Variants in CRTAC1 observed in about 807,000 individuals in gnomAD.
CRTAC1 encodes acidic secreted protein in cartilage.
In CRTAC1, 37 loss-of-function variants were observed where a neutral mutation model predicts 67.8. The observed-to-expected ratio is 0.55, with a 90% CI of 0.42 to 0.72. The LOEUF (loss-of-function observed/expected upper bound fraction) is 0.72. CRTAC1 is among the 30% of genes least tolerant of loss of function. The pLI is 0.00. For missense variants in CRTAC1, 780 were observed against 931.6 expected (o/e 0.84, Z 2.12); for synonymous variants, 348 against 371.0 (o/e 0.94, Z 0.71).
chr10:98,012,419 C>T (rs1842927128), intron 1 of CRTAC1, among the ~76,000 whole-genome samples: 1 of 152,136 alleles, frequency 6.6e-6, no homozygotes, highest in Non-Finnish European at 1.5e-5. Context: ...TTTAAAGGCT[C>T]TGCTGGAAGG....
At chr10:97,899,331 C>T (rs148114618) in intron 8 of CRTAC1, among the ~76,000 whole-genome samples, 1,620 of 152,338 alleles carry the variant, frequency 0.011, 17 homozygotes, top group Non-Finnish European at 0.016. Context: ...TGGTGACTTG[C>T]TCTGTCCATT....
chr10:98,001,623 T>C lies in CRTAC1; in HGVS notation c.224+9515A>G, dbSNP rs192670084. Among the ~76,000 whole-genome samples, 179 of 152,278 alleles carry C rather than the reference T, an allele frequency of 1.2e-3. 1 individual carries two copies. Among genetic ancestry groups the C allele is most frequent in the Admixed American group, 3.4e-3 (52 of 15,302 alleles). On this transcript the variant is annotated intron_variant, in intron 2 of 14. Coordinates refer to ENST00000370597, the MANE Select transcript of CRTAC1 (RefSeq NM_018058.7). ...GAACTGCATGATGGTTAAAAAGAGA[T>C]GTCAGTAAAATACCAGACCCATGCT... is the stretch of plus-strand genomic sequence containing the variant.
chr10:98,021,151 C>T (rs513564), intron 1 of CRTAC1, among the ~76,000 whole-genome samples: 29,958 of 152,070 alleles, frequency 0.2, 3,183 homozygotes, highest in Middle Eastern at 0.26. Flanking sequence ...CATTCTAATG[C>T]TTCTGTTTCT....
chr10:97,996,979 G>C (rs1025003701), intron 2 of CRTAC1, among the ~76,000 whole-genome samples: 1 of 148,892 alleles, frequency 6.7e-6, no homozygotes, highest in African/African-American at 2.5e-5. Flanking sequence ...GTAAACTATC[G>C]CAAGGACAAA....
At chr10:98,026,233 G>C (rs1488042932) in intron 1 of CRTAC1, among the ~76,000 whole-genome samples, 1 of 152,238 alleles carries the variant, frequency 6.6e-6, no homozygotes, top group East Asian at 1.9e-4. Context: ...GAGGCTTGCA[G>C]AGGTTAAGTG....
chr10:98,025,674 C>G (rs1843216863), intron 1 of CRTAC1, among the ~76,000 whole-genome samples: 1 of 152,202 alleles, frequency 6.6e-6, no homozygotes, highest in African/African-American at 2.4e-5. Flanking sequence ...CCTAAGCAAC[C>G]AGCCAGGCTC....
At chr10:98,026,193 C>T (rs530139535) in intron 1 of CRTAC1, among the ~76,000 whole-genome samples, 1 of 152,318 alleles carries the variant, frequency 6.6e-6, no homozygotes, top group South Asian at 2.1e-4. Context: ...ACATGGTTGT[C>T]AGCCTCATCA....
intron 14 of CRTAC1, among the ~76,000 whole-genome samples, chr10:97,874,519 G>A (rs771310593): frequency 2.0e-5 from 3 of 152,160 alleles, no homozygotes; most frequent in African/African-American, 4.8e-5. Context: ...CTCCAGAGGT[G>A]GCCCCGTCCT....
intron 4 of CRTAC1, 79 bp from the exon 5 acceptor site, chr10:97,917,735 G>T: frequency 8.4e-7 from 1 of 1,192,640 alleles, no homozygotes. Context: ...ACCCCAGGTA[G>T]GACCATAGCT....
At chr10:97,983,789 C>A (rs1015959662) in intron 2 of CRTAC1, among the ~76,000 whole-genome samples, 4 of 152,136 alleles carry the variant, frequency 2.6e-5, no homozygotes, top group African/African-American at 9.7e-5. Flanking sequence ...TATCAAGATG[C>A]GGGTGAAGTA....
chr10:97,869,844 C>T (rs2050071919), intron 14 of CRTAC1: 1 of 152,280 alleles, frequency 6.6e-6, no homozygotes, highest in Non-Finnish European at 1.5e-5. Context: ...AACTCCACAT[C>T]CCTCTCCACA....
intron 5 of CRTAC1, among the ~76,000 whole-genome samples, chr10:97,915,202 T>C (rs1448473482): frequency 6.6e-6 from 1 of 152,180 alleles, no homozygotes; most frequent in Non-Finnish European, 1.5e-5. Flanking sequence ...TCACAGCCCC[T>C]CCTGTCTTGC....
intron 9 of CRTAC1, among the ~76,000 whole-genome samples, chr10:97,896,247 G>A (rs972110836): frequency 8.5e-5 from 13 of 152,206 alleles, no homozygotes; most frequent in African/African-American, 3.1e-4. Flanking sequence ...AGACCACATG[G>A]TCTTCTTTCT....
chr10:98,023,105 T>C (rs1389292369), intron 1 of CRTAC1, among the ~76,000 whole-genome samples: 1 of 152,120 alleles, frequency 6.6e-6, no homozygotes, highest in Non-Finnish European at 1.5e-5. Flanking sequence ...AAACCTGCAC[T>C]GAGCTTCCCT....
chr10:97,974,285 C>T lies in CRTAC1; in HGVS notation c.224+36853G>A, dbSNP rs1054482573. ...GGGAGGACTGGGTACAGCGAAGCTG[C>T]CATGAAACCAGCAGGCTCCCCCCCT... On this transcript the variant is annotated intron_variant, in intron 2 of 14. Transcript: ENST00000370597. 2.0e-5 allele frequency among the ~76,000 whole-genome samples: 3 copies of T among 152,128 alleles called. No individual in the cohort carries two copies. The South Asian group carries it at 6.2e-4, about 32-fold the overall frequency.
chr10:97,929,240 TAG>T (rs373251813), intron 3 of CRTAC1, among the ~76,000 whole-genome samples: 1 of 151,976 alleles, frequency 6.6e-6, no homozygotes, highest in South Asian at 2.1e-4. Context: ...GCTTACAGAA[TAG>T]AGTCTGGAGC....
At chr10:97,959,586 T>C (rs899282059) in intron 2 of CRTAC1, among the ~76,000 whole-genome samples, 4 of 152,160 alleles carry the variant, frequency 2.6e-5, no homozygotes, top group Admixed American at 1.3e-4. Context: ...TAAGTAAAAA[T>C]GCTATATAAA....
chr10:97,959,163 G>A (rs866330639), intron 2 of CRTAC1, among the ~76,000 whole-genome samples: 15 of 152,242 alleles, frequency 9.9e-5, no homozygotes, highest in Middle Eastern at 3.4e-3. Context: ...CAGGTGGATC[G>A]GGGTCCCCAT....
chr10:97,870,396 A>G (rs1382246835), intron 14 of CRTAC1: 1 of 152,154 alleles, frequency 6.6e-6, no homozygotes, highest in Non-Finnish European at 1.5e-5. Context: ...ACTGAAAGAC[A>G]GGCCAAACTC....
Sources: allele counts gnomAD v4.1 joint callset (sites outside exome capture counted in the v4.1 genomes callset), GRCh38; gene constraint gnomAD v4.1.1; transcripts MANE v1.5; gene names NCBI Gene and HGNC (gene_info 2026-07-23, HGNC 2026-07-21).